The following SMIM35 variants were observed in gnomAD, a reference collection of about 807,000 sequenced individuals.
SMIM35 encodes the protein small integral membrane protein 35, also known as TMPRSS4 antisense RNA 1 (non-protein coding).
intron 1 of SMIM35, among the ~76,000 whole-genome samples, chr11:118,080,325 T>C (rs973580111): frequency 2.6e-4 from 40 of 152,252 alleles, no homozygotes; most frequent in African/African-American, 9.4e-4. Context: ...ACTGCATGTG[T>C]GAACAGCAAG....
chr11:118,039,396 C>T (rs653788), intron 1 of SMIM35, among the ~76,000 whole-genome samples: 2,143 of 152,226 alleles, frequency 0.014, 20 homozygotes, highest in Non-Finnish European at 0.018. Flanking sequence ...GTAATGGCCT[C>T]TTTAGGGCTG....
chr11:118,075,834 G>T (rs778887004), intron 1 of SMIM35, among the ~76,000 whole-genome samples: 4 of 152,156 alleles, frequency 2.6e-5, no homozygotes, highest in Non-Finnish European at 5.9e-5. Context: ...TAGTTTTGTC[G>T]CCCACAGAAT....
At chr11:118,050,937 A>G (rs1944203408) in intron 1 of SMIM35, among the ~76,000 whole-genome samples, 1 of 152,210 alleles carries the variant, frequency 6.6e-6, no homozygotes, top group Admixed American at 6.5e-5. Context: ...TATCTGCAGA[A>G]GAGCTTATCT....
At chr11:118,020,964 T>C (rs565527403) in intron 1 of SMIM35, among the ~76,000 whole-genome samples, 1 of 152,226 alleles carries the variant, frequency 6.6e-6, no homozygotes, top group African/African-American at 2.4e-5. Flanking sequence ...GATCTAAATG[T>C]TTTTTAATTT....
intron 1 of SMIM35, among the ~76,000 whole-genome samples, chr11:118,042,142 T>A (rs547808534): frequency 1.5e-5 from 2 of 134,960 alleles, no homozygotes; most frequent in Non-Finnish European, 1.6e-5. Context: ...GAGTGGAAAC[T>A]AATAAAATAG....
intron 1 of SMIM35, among the ~76,000 whole-genome samples, chr11:118,045,527 A>G (rs573845479): frequency 6.6e-6 from 1 of 152,148 alleles, no homozygotes; most frequent in African/African-American, 2.4e-5. Flanking sequence ...ATTAGCTTGA[A>G]CCATATAAAA....
intron 1 of SMIM35, among the ~76,000 whole-genome samples, chr11:118,038,836 A>G (rs1943954143): frequency 1.3e-5 from 2 of 152,228 alleles, no homozygotes; most frequent in African/African-American, 4.8e-5. Context: ...AAAGCAAACA[A>G]CATGTGCAAA....
At chr11:118,044,723 G>C (rs944716334) in intron 1 of SMIM35, among the ~76,000 whole-genome samples, 1 of 144,254 alleles carries the variant, frequency 6.9e-6, no homozygotes, top group Non-Finnish European at 1.5e-5. Flanking sequence ...GCAGTGAGCC[G>C]AGACTGCACC....
At chr11:118,074,438 G>A (rs1301464935) in intron 1 of SMIM35, among the ~76,000 whole-genome samples, 1 of 152,180 alleles carries the variant, frequency 6.6e-6, no homozygotes, top group Non-Finnish European at 1.5e-5. Context: ...GAGAGCTGAG[G>A]CTTCCTCCGG....
At chr11:118,060,933 G>A (rs1944385219) in intron 1 of SMIM35, among the ~76,000 whole-genome samples, 4 of 152,316 alleles carry the variant, frequency 2.6e-5, no homozygotes, top group Admixed American at 1.3e-4. Context: ...GACAGAGAAA[G>A]CACTTCCAGG....
chr11:118,085,119 G>A (rs1945442729), intron 1 of SMIM35, among the ~76,000 whole-genome samples: 1 of 152,188 alleles, frequency 6.6e-6, no homozygotes, highest in Admixed American at 6.5e-5. Context: ...ATCTTGTGAA[G>A]TCGCTTTTAT....
At chr11:118,011,925 C>T (rs1389826045) in intron 4 of SMIM35, among the ~76,000 whole-genome samples, 2 of 152,170 alleles carry the variant, frequency 1.3e-5, no homozygotes, top group Non-Finnish European at 2.9e-5. Flanking sequence ...AATCCAGAGA[C>T]TTGGTAATTA....
intron 1 of SMIM35, among the ~76,000 whole-genome samples, chr11:118,070,352 T>A (rs1295057944): frequency 6.6e-6 from 1 of 152,162 alleles, no homozygotes; most frequent in African/African-American, 2.4e-5. Context: ...AATTTTTGTA[T>A]TTTTAGTAGA....
At chr11:118,086,453 G>T (rs932498642) in intron 1 of SMIM35, among the ~76,000 whole-genome samples, 1 of 152,272 alleles carries the variant, frequency 6.6e-6, no homozygotes, top group Admixed American at 6.5e-5. Context: ...TAGACCCAAA[G>T]GAAAAAGTGC....
At chr11:118,028,077 G>A (rs1384206592) in intron 1 of SMIM35, among the ~76,000 whole-genome samples, 1 of 152,194 alleles carries the variant, frequency 6.6e-6, no homozygotes, top group African/African-American at 2.4e-5. Flanking sequence ...TGTCCCTCTG[G>A]AGTCATGCCA....
At chr11:118,069,144 T>C (rs1413543618) in intron 1 of SMIM35, among the ~76,000 whole-genome samples, 1 of 152,166 alleles carries the variant, frequency 6.6e-6, no homozygotes, top group African/African-American at 2.4e-5. Flanking sequence ...GCACCTGTGC[T>C]CTGGGTCTGC....
chr11:118,042,643 G>A (rs1190216728), intron 1 of SMIM35, among the ~76,000 whole-genome samples: 1 of 152,098 alleles, frequency 6.6e-6, no homozygotes, highest in African/African-American at 2.4e-5. Context: ...AACCAGACAA[G>A]GACATCACAA....
At chr11:118,009,929 C>T (rs760583406) in intron 4 of SMIM35, among the ~76,000 whole-genome samples, 6 of 152,200 alleles carry the variant, frequency 3.9e-5, no homozygotes, top group African/African-American at 1.2e-4. Flanking sequence ...CTCATCCTTA[C>T]GCCCTGATGT....
chr11:118,076,108 A>G (rs1565400919), intron 1 of SMIM35, among the ~76,000 whole-genome samples: 1 of 152,166 alleles, frequency 6.6e-6, no homozygotes, highest in African/African-American at 2.4e-5. Context: ...TCTCTACTAA[A>G]AATACAAATT....
Sources: gnomAD v4.1 joint callset for allele counts (sites outside exome capture counted in the v4.1 genomes callset) on GRCh38, gnomAD v4.1.1 for gene constraint, MANE v1.5 for transcripts, NCBI Gene and HGNC (gene_info 2026-07-23, HGNC 2026-07-21) for gene names.